RBM38: variants seen among roughly 807,000 people sequenced by gnomAD.
The protein encoded by RBM38 is RNA-binding protein 38.
A neutral mutation model predicts 23.5 loss-of-function variants in RBM38; 11 were observed. That is an observed-to-expected ratio of 0.47 (90% CI 0.29 to 0.77). The LOEUF is 0.77. RBM38 is among the 30% of genes least tolerant of loss of function. RBM38 has a pLI of 0.08. For synonymous variants in RBM38, 165 were observed against 166.1 expected, an observed-to-expected ratio of 0.99 and a Z score of 0.05; for missense variants, 330 against 351.9, an observed-to-expected ratio of 0.94 and a Z score of 0.50.
At chr20:57,396,049 C>G (rs1475278561) in intron 3 of RBM38, among the ~76,000 whole-genome samples, 1 of 152,256 alleles carries the variant, frequency 6.6e-6, no homozygotes. Flanking sequence ...GAAGATCCCA[C>G]AGCTCTGCTT....
intron 3 of RBM38, among the ~76,000 whole-genome samples, chr20:57,396,724 CA>C (rs1371433833): frequency 6.6e-6 from 1 of 152,184 alleles, no homozygotes; most frequent in African/African-American, 2.4e-5. Context: ...TCATGACTAC[CA>C]AAAATGTCTC....
chr20:57,401,058 T>C (rs1266599458), intron 3 of RBM38, among the ~76,000 whole-genome samples: 1 of 152,172 alleles, frequency 6.6e-6, no homozygotes, highest in Non-Finnish European at 1.5e-5. Flanking sequence ...TCCCCCGACC[T>C]TTGGGCTCCT....
chr20:57,396,474 T>C (rs557222403), intron 3 of RBM38, among the ~76,000 whole-genome samples: 1 of 152,200 alleles, frequency 6.6e-6, no homozygotes, highest in Non-Finnish European at 1.5e-5. Context: ...ATTCTTGGGC[T>C]GAGGGCACCG....
intron 1 of RBM38, among the ~76,000 whole-genome samples, 200 bp downstream of exon 1, chr20:57,392,018 A>AACCACCCCAGGCCCCGG (rs2067222784): frequency 2.1e-5 from 1 of 48,168 alleles, no homozygotes; most frequent in African/African-American, 1.2e-4. Context: ...CCCGGCCCCC[A>AACCACCCCAGGCCCCGG]CCCCCACCCC....
At chr20:57,401,257 C>T (rs1339949890) in intron 3 of RBM38, among the ~76,000 whole-genome samples, 1 of 152,202 alleles carries the variant, frequency 6.6e-6, no homozygotes, top group Non-Finnish European at 1.5e-5. Flanking sequence ...TCACAGCAGC[C>T]CCCTGGGGCG....
chr20:57,402,299 C>T (rs1244955848), intron 3 of RBM38, among the ~76,000 whole-genome samples: 1 of 152,218 alleles, frequency 6.6e-6, no homozygotes, highest in Non-Finnish European at 1.5e-5. Flanking sequence ...AGGTCTCCAC[C>T]ACCACCAAGG....
intron 1 of RBM38, 67 bp downstream of exon 1, chr20:57,391,885 C>G: frequency 1.7e-6 from 2 of 1,179,506 alleles, no homozygotes; most frequent in East Asian, 3.5e-5. Flanking sequence ...GCGCCGAGTC[C>G]ACTCCGGGGC....
At chr20:57,392,205 T>C in intron 1 of RBM38, 1 of 333,990 alleles carries the variant, frequency 3.0e-6, no homozygotes, top group Non-Finnish European at 5.9e-6. Context: ...CCCCATATTT[T>C]TAACAGCCCT....
At chr20:57,392,094 G>A (rs2067225012) in intron 1 of RBM38, 1 of 187,522 alleles carries the variant, frequency 5.3e-6, no homozygotes, top group South Asian at 7.5e-5. Context: ...TCCTAAGTTG[G>A]TGGGGAGGTT....
chr20:57,392,287 C>T, intron 1 of RBM38: 1 of 570,726 alleles, frequency 1.8e-6, no homozygotes, highest in South Asian at 1.7e-5. Context: ...ACCTTCCAAG[C>T]ATAGCGTCGC....
At chr20:57,396,046 C>T (rs963415092) in intron 3 of RBM38, among the ~76,000 whole-genome samples, 1 of 152,234 alleles carries the variant, frequency 6.6e-6, no homozygotes, top group Admixed American at 6.5e-5. Flanking sequence ...TCTGAAGATC[C>T]CACAGCTCTG....
At chr20:57,392,288 A>T (rs2067227707) in intron 1 of RBM38, 2 of 578,496 alleles carry the variant, frequency 3.5e-6, no homozygotes, top group Non-Finnish European at 2.9e-6. Flanking sequence ...CCTTCCAAGC[A>T]TAGCGTCGCA....
chr20:57,397,340 C>T (rs914845404), intron 3 of RBM38, among the ~76,000 whole-genome samples: 2 of 152,198 alleles, frequency 1.3e-5, no homozygotes, highest in Admixed American at 1.3e-4. Context: ...GGGGCCTGAG[C>T]TGTGGGCTGC....
chr20:57,407,707 C>T lies in RBM38; in HGVS notation c.581C>T (p.Ala194Val), dbSNP rs1047780022. Residue 194 changes from alanine (A) to valine (V), a missense_variant, in exon 4 of 4, where the codon GCC becomes GTC. By Grantham distance (64) the Ala-to-Val change is moderately conservative (BLOSUM62 0). Coordinates refer to ENST00000356208, the MANE Select transcript of RBM38 (RefSeq NM_017495.6). The surrounding 1 kb of genome is among the most constrained non-coding windows in gnomAD (Gnocchi z 4.0). Reference protein sequence around the residue: ...PATYDQYPYAASPATAASFVG... With the variant: ...PATYDQYPYAVSPATAASFVG... ...ACCTATGACCAGTACCCATACGCCG[C>T]CTCGCCTGCCACGGCTGCCAGCTTC... is the stretch of plus-strand genomic sequence containing the variant. 10 of 1,611,986 alleles carry T rather than the reference C, an allele frequency of 6.2e-6. No individual in the cohort carries two copies. The highest frequency in any genetic ancestry group is 1.3e-5 in the African/African-American group (1 of 74,946).
At chr20:57,392,567 C>A (rs2146200062) in intron 1 of RBM38, 87 bp from the exon 2 acceptor site, 1 of 1,518,658 alleles carries the variant, frequency 6.6e-7, no homozygotes, top group Admixed American at 2.1e-5. Flanking sequence ...AGAGGGGTGG[C>A]AGCATCCGGT....
chr20:57,393,792 A>G (rs557469234), intron 3 of RBM38, among the ~76,000 whole-genome samples: 233 of 152,208 alleles, frequency 1.5e-3, no homozygotes, highest in Non-Finnish European at 2.3e-3. Context: ...CATTGCTACC[A>G]AGGTCTGATG....
At chr20:57,400,324 G>A (rs544591307) in intron 3 of RBM38, among the ~76,000 whole-genome samples, 15 of 152,274 alleles carry the variant, frequency 9.9e-5, no homozygotes, top group African/African-American at 1.4e-4. Flanking sequence ...CCTGGGCCAC[G>A]TGTGAACGGG....
At chr20:57,398,772 G>A (rs941273704) in intron 3 of RBM38, among the ~76,000 whole-genome samples, 2 of 152,272 alleles carry the variant, frequency 1.3e-5, no homozygotes, top group African/African-American at 4.8e-5. Context: ...TGGGCCAAGG[G>A]GCACAGCTTT....
intron 3 of RBM38, among the ~76,000 whole-genome samples, chr20:57,402,422 G>A (rs1218338523): frequency 6.6e-6 from 1 of 152,238 alleles, no homozygotes; most frequent in East Asian, 1.9e-4. Context: ...GGCATAGGCT[G>A]CAGTGGGGGT....
Sources: allele counts gnomAD v4.1 joint callset (sites outside exome capture counted in the v4.1 genomes callset), GRCh38; gene constraint gnomAD v4.1.1; non-coding constraint Gnocchi (gnomAD v3.1); transcripts MANE v1.5; gene names NCBI Gene and HGNC (gene_info 2026-07-23, HGNC 2026-07-21).